ADGRB3: variants seen among roughly 807,000 people sequenced by gnomAD.
ADGRB3 encodes the protein adhesion G protein-coupled receptor B3.
Under a neutral mutation model 193.4 loss-of-function variants are expected in ADGRB3, and 37 were observed. That is an observed-to-expected ratio of 0.19 (90% CI 0.15 to 0.25). ADGRB3 has a LOEUF of 0.25. Among genes scored for constraint, ADGRB3 ranks in the 10% least tolerant of loss-of-function variants. The pLI, the probability that ADGRB3 is intolerant of heterozygous loss-of-function variation, is 1.00. For synonymous variants in ADGRB3, 690 were observed against 644.2 expected (o/e 1.07, Z -1.08); for missense variants, 1,637 against 1,852.9 (o/e 0.88, Z 2.14).
intron 21 of ADGRB3, among the ~76,000 whole-genome samples, chr6:69,326,780 G>A (rs1355450371): frequency 1.3e-5 from 2 of 152,044 alleles, no homozygotes; most frequent in Non-Finnish European, 2.9e-5. Flanking sequence ...ATGTGTGGAG[G>A]AAGAGGAGAA....
At chr6:69,343,786 G>T (rs1290890008) in intron 26 of ADGRB3, among the ~76,000 whole-genome samples, 1 of 152,080 alleles carries the variant, frequency 6.6e-6, no homozygotes, top group Non-Finnish European at 1.5e-5. Flanking sequence ...CATAGTTTTA[G>T]CAACAGAACC....
At chr6:69,329,290 G>T (rs913545057) in intron 22 of ADGRB3, among the ~76,000 whole-genome samples, 1 of 152,102 alleles carries the variant, frequency 6.6e-6, no homozygotes, top group African/African-American at 2.4e-5. Context: ...TTTAAAAATA[G>T]ATATTAAAGT....
intron 15 of ADGRB3, among the ~76,000 whole-genome samples, chr6:69,059,979 G>T (rs1437185280): frequency 6.6e-6 from 1 of 151,836 alleles, no homozygotes; most frequent in Non-Finnish European, 1.5e-5. Flanking sequence ...TAAAAATCTT[G>T]CTCTCATTGA....
chr6:68,868,152 C>A (rs1306811603), intron 3 of ADGRB3, among the ~76,000 whole-genome samples: 1 of 152,078 alleles, frequency 6.6e-6, no homozygotes, highest in Admixed American at 6.5e-5. Context: ...ATTATAATCC[C>A]CATATGTCAG....
chr6:69,032,391 C>T (rs1479405034), intron 13 of ADGRB3, among the ~76,000 whole-genome samples: 1 of 152,076 alleles, frequency 6.6e-6, no homozygotes, highest in Non-Finnish European at 1.5e-5. Context: ...CGCTATATGC[C>T]TTCTTTTCAA....
intron 3 of ADGRB3, among the ~76,000 whole-genome samples, chr6:68,930,323 T>G (rs796968301): frequency 9.2e-5 from 14 of 152,228 alleles, no homozygotes; most frequent in African/African-American, 3.4e-4. Context: ...TAAGTTCACT[T>G]AAAATCTGTT....
intron 10 of ADGRB3, among the ~76,000 whole-genome samples, chr6:68,976,373 T>A (rs1490795620): frequency 6.6e-6 from 1 of 152,210 alleles, no homozygotes; most frequent in Non-Finnish European, 1.5e-5. Flanking sequence ...TTTATCATTA[T>A]TTAACTATCT....
At chr6:68,661,993 A>T (rs1939574998) in intron 3 of ADGRB3, among the ~76,000 whole-genome samples, 1 of 151,514 alleles carries the variant, frequency 6.6e-6, no homozygotes, top group Non-Finnish European at 1.5e-5. Flanking sequence ...TAAACAAAGT[A>T]CCAGAGGGAA....
intron 3 of ADGRB3, among the ~76,000 whole-genome samples, chr6:68,848,682 A>T (rs1768338009): frequency 6.6e-6 from 1 of 152,028 alleles, no homozygotes; most frequent in Non-Finnish European, 1.5e-5. Context: ...TAAATTTTAT[A>T]ATTTCTAAAT....
chr6:68,972,483 T>G (rs1768603188), intron 8 of ADGRB3, among the ~76,000 whole-genome samples: 1 of 152,142 alleles, frequency 6.6e-6, no homozygotes, highest in East Asian at 1.9e-4. Context: ...CCTCCTGCAC[T>G]CAGTTTCTCC....
At chr6:68,920,887 A>G (rs191364893) in intron 3 of ADGRB3, among the ~76,000 whole-genome samples, 3 of 152,324 alleles carry the variant, frequency 2.0e-5, no homozygotes, top group African/African-American at 7.2e-5. Context: ...TAAAGGAAGA[A>G]AGGGAAGTGA....
At chr6:68,856,886 C>T (rs1409066340) in intron 3 of ADGRB3, among the ~76,000 whole-genome samples, 4 of 152,214 alleles carry the variant, frequency 2.6e-5, no homozygotes, top group African/African-American at 7.2e-5. Flanking sequence ...TTTCATGGGC[C>T]AGGCCCTGGG....
chr6:69,207,283 G>A (rs1554169868), intron 17 of ADGRB3, among the ~76,000 whole-genome samples: 1 of 152,144 alleles, frequency 6.6e-6, no homozygotes, highest in Non-Finnish European at 1.5e-5. Context: ...GGTGAGTGGT[G>A]CCACTTCCAC....
At chr6:69,241,488 CGTT>C (rs1192726116) in intron 20 of ADGRB3, among the ~76,000 whole-genome samples, 3 of 151,868 alleles carry the variant, frequency 2.0e-5, no homozygotes, top group African/African-American at 7.2e-5. Flanking sequence ...GTGTCTACGA[CGTT>C]GTGTAGGTCT....
chr6:69,330,029 A>G (rs1421633482), intron 22 of ADGRB3, among the ~76,000 whole-genome samples: 1 of 152,196 alleles, frequency 6.6e-6, no homozygotes, highest in South Asian at 2.1e-4. Flanking sequence ...ATTCCCTGCA[A>G]TGATGGCTTT....
At chr6:68,968,213 A>G (rs781545206) in intron 8 of ADGRB3, among the ~76,000 whole-genome samples, 5 of 152,156 alleles carry the variant, frequency 3.3e-5, no homozygotes, top group Non-Finnish European at 7.4e-5. Flanking sequence ...CAGCCGGCCC[A>G]GTAAACATTT....
rs1768438552 is a variant in ADGRB3 at position 68,968,154 on chromosome 6, A to G, written c.1526-6609A>G. Among the ~76,000 whole-genome samples, 7 of 152,074 alleles carry G rather than the reference A, an allele frequency of 4.6e-5. No homozygotes were observed. In the South Asian group the frequency reaches 1.2e-3, roughly 27 times the overall value. Reference sequence around the variant, plus strand: ...AAAAAATGAAGCATTGACTTATTTCACATATTTACTCTTACTCCCCACCTT... The same window carrying G: ...AAAAAATGAAGCATTGACTTATTTCGCATATTTACTCTTACTCCCCACCTT... On this transcript the variant is annotated intron_variant, in intron 8 of 31. Transcript: ENST00000370598.
At chr6:69,309,480 T>C (rs1177931656) in intron 20 of ADGRB3, among the ~76,000 whole-genome samples, 1 of 151,750 alleles carries the variant, frequency 6.6e-6, no homozygotes, top group Non-Finnish European at 1.5e-5. Context: ...ATTGAGAGGC[T>C]GTAATTGAGA....
chr6:69,072,893 AG>A (rs1772117172), intron 16 of ADGRB3, among the ~76,000 whole-genome samples: 1 of 152,222 alleles, frequency 6.6e-6, no homozygotes, highest in African/African-American at 2.4e-5. Context: ...AATTCAGGTA[AG>A]ACTGGACAGG....
Sources: allele counts gnomAD v4.1 joint callset (sites outside exome capture counted in the v4.1 genomes callset), GRCh38; gene constraint gnomAD v4.1.1; transcripts MANE v1.5; gene names NCBI Gene and HGNC (gene_info 2026-07-23, HGNC 2026-07-21).